The following ACOT7 variants were observed in gnomAD, a reference collection of about 807,000 sequenced individuals.
The protein encoded by ACOT7 is acyl-CoA thioesterase 7, also known as cytosolic acyl coenzyme A thioester hydrolase.
ACOT7 carries 12 observed loss-of-function variants against 40.2 expected under a neutral mutation model. That is an observed-to-expected ratio of 0.30 (90% CI 0.19 to 0.48). The LOEUF is 0.48. ACOT7 is among the 20% of genes least tolerant of loss of function. The pLI is 0.99. For synonymous variants in ACOT7, 228 were observed against 219.5 expected (o/e 1.04, Z -0.34); for missense variants, 395 against 530.8 (o/e 0.74, Z 2.51).
At chr1:6,371,014 T>C (rs1225903866) in intron 1 of ACOT7, among the ~76,000 whole-genome samples, 2 of 152,014 alleles carry the variant, frequency 1.3e-5, no homozygotes, top group African/African-American at 4.8e-5. Flanking sequence ...TTTCGCCATC[T>C]TGGCCAGGCT....
intron 8 of ACOT7, 128 bp from the exon 9 acceptor site, chr1:6,264,823 C>G (rs1435478570): frequency 2.1e-6 from 2 of 946,012 alleles, no homozygotes; most frequent in Non-Finnish European, 3.1e-6. Flanking sequence ...ATGCTGAGTA[C>G]CACGCCTCGG....
chr1:6,316,785 A>C (rs1640508821), intron 6 of ACOT7, among the ~76,000 whole-genome samples: 1 of 152,218 alleles, frequency 6.6e-6, no homozygotes, highest in African/African-American at 2.4e-5. Flanking sequence ...ACTGCACTCT[A>C]GCCTGGGCAA....
chr1:6,298,588 C>A (rs1370723603), intron 6 of ACOT7, among the ~76,000 whole-genome samples: 1 of 152,200 alleles, frequency 6.6e-6, no homozygotes, highest in African/African-American at 2.4e-5. Context: ...GGATTTTCTC[C>A]CCCAGGCAAA....
intron 1 of ACOT7, chr1:6,360,501 G>A: frequency 6.3e-7 from 1 of 1,587,190 alleles, no homozygotes; most frequent in South Asian, 1.1e-5. Flanking sequence ...ACACAGGACA[G>A]GTCCTCCCAA....
chr1:6,321,626 T>C (rs1483319846), intron 5 of ACOT7, among the ~76,000 whole-genome samples: 1 of 152,244 alleles, frequency 6.6e-6, no homozygotes, highest in Non-Finnish European at 1.5e-5. Flanking sequence ...GCCATTCTCC[T>C]GCCTCAGCCT....
chr1:6,352,068 T>G lies in ACOT7; in HGVS notation c.144-2202A>C, dbSNP rs577427020. Among the ~76,000 whole-genome samples the G allele has an allele frequency of 4.7e-4, 71 of 152,282 alleles. No individual in the cohort carries two copies. The highest frequency in any genetic ancestry group is 1.7e-3 in the African/African-American group (70 of 41,562). ...CGCCTTTCTTCGGCACCTTGGGTCC[T>G]GCACCAAGGACCATCCTAACTCCCC... is the stretch of plus-strand genomic sequence containing the variant. On this transcript the variant is annotated intron_variant, in intron 1 of 8. Transcript: ENST00000361521. This position sits in a 1 kb window ranked among gnomAD's most constrained non-coding sequence, Gnocchi z 4.5.
In ACOT7 at chr1:6,377,193, T is replaced by A. The variant is rs1310095427; in HGVS notation, c.143+16064A>T. 3.9e-5 allele frequency among the ~76,000 whole-genome samples: 6 copies of A among 152,238 alleles called. No homozygotes were observed. In the East Asian group the frequency reaches 1.2e-3, roughly 29 times the overall value. On this transcript the variant is annotated intron_variant, in intron 1 of 8. Transcript: ENST00000361521. ...TTTGGCAGTTTTGTACAAAGCTAAA[T>A]GTACTCTTCAATTAAATCAATCCTA...
chr1:6,358,863 A>G lies in ACOT7; in HGVS notation c.144-8997T>C. 1 of 1,613,766 alleles carries G rather than the reference A, an allele frequency of 6.2e-7. No individual in the cohort carries two copies. The highest frequency in any genetic ancestry group is 8.5e-7 in the Non-Finnish European group (1 of 1,179,808). ...AAAGCCATGGTGGCTAGGACATCCCAGGATCAGATGCAGAGAAAGGCGAGG... is the reference window on the plus strand; with the variant it reads ...AAAGCCATGGTGGCTAGGACATCCCGGGATCAGATGCAGAGAAAGGCGAGG... On this transcript the variant is annotated intron_variant, in intron 1 of 8. Transcript: ENST00000361521. The surrounding 1 kb of genome is among the most constrained non-coding windows in gnomAD (Gnocchi z 4.1).
At chr1:6,326,579 G>C (rs555736924) in intron 5 of ACOT7, among the ~76,000 whole-genome samples, 1 of 152,304 alleles carries the variant, frequency 6.6e-6, no homozygotes, top group South Asian at 2.1e-4. Flanking sequence ...AGTGGCGCTT[G>C]AACAGCTGCT....
chr1:6,287,741 A>G (rs1639545472), intron 7 of ACOT7, among the ~76,000 whole-genome samples: 2 of 152,206 alleles, frequency 1.3e-5, no homozygotes, highest in South Asian at 4.1e-4. Context: ...AACAAAATAA[A>G]AAAAAAATAG....
intron 1 of ACOT7, among the ~76,000 whole-genome samples, chr1:6,380,714 A>G (rs1480384199): frequency 2.1e-5 from 2 of 95,724 alleles, no homozygotes; most frequent in Non-Finnish European, 3.8e-5. Context: ...TAGCATATAC[A>G]AAAAAAAAAA....
chr1:6,332,828 C>CAA (rs200359956), intron 4 of ACOT7, among the ~76,000 whole-genome samples: 15 of 140,720 alleles, frequency 1.1e-4, no homozygotes, highest in African/African-American at 3.1e-4. Flanking sequence ...CTCAAAAAAA[C>CAA]AAAAAAAAAC....
At chr1:6,296,835 G>A (rs1158602127) in intron 6 of ACOT7, among the ~76,000 whole-genome samples, 1 of 152,128 alleles carries the variant, frequency 6.6e-6, no homozygotes, top group African/African-American at 2.4e-5. Context: ...GCCTCCCAAA[G>A]TGTGGGGATT....
At chr1:6,266,007 C>A (rs1252265018) in intron 8 of ACOT7, among the ~76,000 whole-genome samples, 1 of 152,200 alleles carries the variant, frequency 6.6e-6, no homozygotes, top group Non-Finnish European at 1.5e-5. Context: ...ACTGTCAAAA[C>A]CTCGCCGGCC....
chr1:6,334,387 G>A (rs957467047), intron 3 of ACOT7, among the ~76,000 whole-genome samples: 1 of 152,262 alleles, frequency 6.6e-6, no homozygotes, highest in Admixed American at 6.5e-5. Context: ...CCATACAGAC[G>A]TGCAGGCTGC....
intron 1 of ACOT7, among the ~76,000 whole-genome samples, chr1:6,370,633 G>A (rs1253359498): frequency 6.6e-6 from 1 of 151,112 alleles, no homozygotes; most frequent in Admixed American, 6.6e-5. Flanking sequence ...GGGATTACAG[G>A]CATGCACCAC....
At chr1:6,277,856 G>C (rs1321381383) in intron 8 of ACOT7, among the ~76,000 whole-genome samples, 2 of 152,192 alleles carry the variant, frequency 1.3e-5, no homozygotes, top group Non-Finnish European at 2.9e-5. Context: ...GAGGCCCCAG[G>C]GAGAGCAGGT....
intron 1 of ACOT7, among the ~76,000 whole-genome samples, chr1:6,365,496 A>G (rs527969297): frequency 7.9e-4 from 120 of 152,294 alleles, no homozygotes; most frequent in African/African-American, 2.7e-3. Flanking sequence ...GCAATCGGGC[A>G]TGGTGGCTCA....
chr1:6,310,743 T>C (rs185534559), intron 6 of ACOT7, among the ~76,000 whole-genome samples: 7 of 152,296 alleles, frequency 4.6e-5, no homozygotes, highest in Admixed American at 2.0e-4. Context: ...GTTGTTGTTG[T>C]TGCTTTTTGA....
Sources: allele counts gnomAD v4.1 joint callset (sites outside exome capture counted in the v4.1 genomes callset), GRCh38; gene constraint gnomAD v4.1.1; non-coding constraint Gnocchi (gnomAD v3.1); transcripts MANE v1.5; gene names NCBI Gene and HGNC (gene_info 2026-07-23, HGNC 2026-07-21).